Variants in RELN observed in about 807,000 individuals in gnomAD.
The protein encoded by RELN is reelin.
RELN carries 108 observed loss-of-function variants against 427.6 expected under a neutral mutation model. The observed-to-expected ratio is 0.25, with a 90% CI of 0.22 to 0.30. The LOEUF (loss-of-function observed/expected upper bound fraction) is 0.30, where lower values mean the gene tolerates loss of function less well. RELN is among the 10% of genes least tolerant of loss of function. The pLI is 1.00. For synonymous variants in RELN, 1,524 were observed against 1,513.4 expected (o/e 1.01, Z -0.16); for missense variants, 3,715 against 4,302.8 (o/e 0.86, Z 3.82).
Position 103,890,498 on chromosome 7 carries a change from T to C in RELN, c.337+26577A>G, listed in dbSNP as rs543907376. ...TTGTGAACTGCGCATGCAAGGGATCTAGGTTGTGTACTCCTTACGAGACTC... is the reference window on the plus strand; with the variant it reads ...TTGTGAACTGCGCATGCAAGGGATCCAGGTTGTGTACTCCTTACGAGACTC... On this transcript the variant is annotated intron_variant, in intron 2 of 64. Transcript: ENST00000428762. Among the ~76,000 whole-genome samples, 42 of 152,260 alleles carry C rather than the reference T, an allele frequency of 2.8e-4. 1 individual carries two copies. In the South Asian group the frequency reaches 8.5e-3, roughly 31 times the overall value.
intron 11 of RELN, among the ~76,000 whole-genome samples, chr7:103,662,668 G>C (rs1833170928): frequency 6.7e-6 from 1 of 149,844 alleles, no homozygotes; most frequent in African/African-American, 2.5e-5. Flanking sequence ...ACTATTAACA[G>C]TGCAGAAATC....
At chr7:103,495,584 T>C (rs2117017999) in intron 57 of RELN, 139 bp downstream of exon 57, 2 of 810,788 alleles carry the variant, frequency 2.5e-6, no homozygotes, top group East Asian at 2.6e-5. Context: ...TTGCAAAAGA[T>C]GACCTCTTTT....
At chr7:103,683,670 T>G (rs539844437) in intron 10 of RELN, among the ~76,000 whole-genome samples, 1 of 152,214 alleles carries the variant, frequency 6.6e-6, no homozygotes, top group African/African-American at 2.4e-5. Context: ...TATAAAATTA[T>G]GTATGGTACA....
chr7:103,645,289 C>A (rs976417364), intron 16 of RELN, among the ~76,000 whole-genome samples: 1 of 151,718 alleles, frequency 6.6e-6, no homozygotes, highest in Non-Finnish European at 1.5e-5. Flanking sequence ...CAATATAGTT[C>A]TTGAACAGAA....
chr7:103,718,772 AT>A (rs1256476778), intron 8 of RELN, among the ~76,000 whole-genome samples: 2 of 152,150 alleles, frequency 1.3e-5, no homozygotes, highest in Non-Finnish European at 2.9e-5. Context: ...GACAAGATAG[AT>A]TTGTCTGGCA....
intron 4 of RELN, among the ~76,000 whole-genome samples, chr7:103,766,844 G>A (rs1004740332): frequency 1.3e-5 from 2 of 152,292 alleles, no homozygotes; most frequent in African/African-American, 4.8e-5. Context: ...GGTTTTCTGC[G>A]CCAGCTGTAA....
intron 52 of RELN, among the ~76,000 whole-genome samples, chr7:103,502,626 TC>T (rs1829071822): frequency 6.6e-6 from 1 of 151,980 alleles, no homozygotes; most frequent in East Asian, 2.0e-4. Flanking sequence ...TGCTCCTGGC[TC>T]TGTCTATCAT....
rs1197228737 is a variant in RELN, at chr7:103,620,231, G to T, written c.2703-8428C>A. On this transcript the variant is annotated intron_variant, in intron 20 of 64. Coordinates refer to ENST00000428762, the MANE Select transcript of RELN (RefSeq NM_005045.4). This position sits in a 1 kb window ranked among gnomAD's most constrained non-coding sequence, Gnocchi z 4.1. ...TGCTGCCATGTAAGACGTGCCTTTT[G>T]CCTTCTGCCATGATTGTGAGGCCTC... Among the ~76,000 whole-genome samples, 1 of 152,080 alleles carries T rather than the reference G, an allele frequency of 6.6e-6. No homozygotes were observed. Among genetic ancestry groups the T allele is most frequent in the Non-Finnish European group, 1.5e-5 (1 of 68,034 alleles).
chr7:103,837,381 C>T (rs188196201), intron 2 of RELN, among the ~76,000 whole-genome samples: 1 of 152,188 alleles, frequency 6.6e-6, no homozygotes, highest in African/African-American at 2.4e-5. Context: ...ACACATTTAC[C>T]ATCCTTTGTG....
At chr7:103,936,535 T>G (rs890695984) in intron 1 of RELN, among the ~76,000 whole-genome samples, 1 of 152,156 alleles carries the variant, frequency 6.6e-6, no homozygotes, top group Non-Finnish European at 1.5e-5. Context: ...TTCCCTTCTA[T>G]TTATTCCTTG....
intron 3 of RELN, among the ~76,000 whole-genome samples, chr7:103,779,891 C>T (rs1791842846): frequency 6.6e-6 from 1 of 152,158 alleles, no homozygotes; most frequent in African/African-American, 2.4e-5. Context: ...CCATGCCCAG[C>T]TAATTTTTGT....
Position 103,752,145 on chromosome 7 carries a change from T to A in RELN, c.577+1037A>T, listed in dbSNP as rs567816680. Among the ~76,000 whole-genome samples, 9 of 152,318 alleles carry A rather than the reference T, an allele frequency of 5.9e-5. No individual in the cohort carries two copies. The South Asian group carries it at 1.9e-3, about 32-fold the overall frequency. ...ACTTTATGAAAACAAAATCATTTAT[T>A]CCTTATACCAACCCTATGAGATAGA... is the stretch of plus-strand genomic sequence containing the variant. On this transcript the variant is annotated intron_variant, in intron 5 of 64. Transcript: ENST00000428762.
At chr7:103,949,418 T>C (rs1796288397) in intron 1 of RELN, among the ~76,000 whole-genome samples, 1 of 151,172 alleles carries the variant, frequency 6.6e-6, no homozygotes, top group South Asian at 2.1e-4. Flanking sequence ...AACATGATGG[T>C]ATTTAGAGGT....
At chr7:103,980,934 G>A (rs968786635) in intron 1 of RELN, among the ~76,000 whole-genome samples, 4 of 152,292 alleles carry the variant, frequency 2.6e-5, no homozygotes, top group Middle Eastern at 3.4e-3. Context: ...TTTGCAGGAT[G>A]AGAATACAGG....
At chr7:103,558,879 T>C (rs1031165703) in intron 36 of RELN, among the ~76,000 whole-genome samples, 2 of 152,204 alleles carry the variant, frequency 1.3e-5, no homozygotes, top group South Asian at 2.1e-4. Context: ...TAAGTGGACA[T>C]TGTCACTGAT....
At chr7:103,781,256 G>A (rs1196911116) in intron 3 of RELN, among the ~76,000 whole-genome samples, 2 of 152,018 alleles carry the variant, frequency 1.3e-5, no homozygotes, top group Non-Finnish European at 2.9e-5. Context: ...CTATTTGAAT[G>A]TATTTAGAGC....
chr7:103,499,555 T>C (rs1828953408), intron 53 of RELN, among the ~76,000 whole-genome samples: 2 of 152,174 alleles, frequency 1.3e-5, no homozygotes, highest in Non-Finnish European at 2.9e-5. Flanking sequence ...GAGTTCTATC[T>C]TACTGTGTAG....
In RELN at chr7:103,486,532, CA is replaced by C; in HGVS notation, c.9764-117del. ...TTGTTACTGTAAGAATGGCAAAATACAAGGAACTTAAACAACTTTACAAAAA... is the reference window on the plus strand; with the variant it reads ...TTGTTACTGTAAGAATGGCAAAATACAGGAACTTAAACAACTTTACAAAAA... On this transcript the variant is annotated intron_variant, in intron 60 of 64. Coordinates refer to ENST00000428762, the MANE Select transcript of RELN (RefSeq NM_005045.4). The C allele has an allele frequency of 4.3e-6, 3 of 700,436 alleles. No individual in the cohort carries two copies. In the East Asian group the frequency reaches 9.3e-5, roughly 22 times the overall value. The allele number at this position is 700,436 out of a possible 1,614,324, so 43.4% of individuals were successfully genotyped here.
intron 6 of RELN, among the ~76,000 whole-genome samples, chr7:103,740,240 ATAAAGAAAGTTTTAT>A (rs1405097992): frequency 1.3e-5 from 2 of 152,252 alleles, no homozygotes; most frequent in African/African-American, 4.8e-5. Flanking sequence ...TTATGGAAGA[ATAAAGAAAGTTTTAT>A]TTCTCTGATA....
Sources: gnomAD v4.1 joint callset for allele counts (sites outside exome capture counted in the v4.1 genomes callset) on GRCh38, gnomAD v4.1.1 for gene constraint, Gnocchi (gnomAD v3.1) non-coding constraint, MANE v1.5 for transcripts, NCBI Gene and HGNC (gene_info 2026-07-23, HGNC 2026-07-21) for gene names.